Variants in RANBP10 observed in about 807,000 individuals in gnomAD.
RANBP10 encodes the protein RAN binding protein 10, also known as ran-binding protein 10.
RANBP10 carries 24 observed loss-of-function variants against 72.8 expected under a neutral mutation model. That is an observed-to-expected ratio of 0.33 (90% confidence interval 0.24 to 0.46). The LOEUF (loss-of-function observed/expected upper bound fraction) is 0.46. Among genes scored for constraint, RANBP10 ranks in the 20% least tolerant of loss-of-function variants. The pLI is 1.00. For synonymous variants in RANBP10, 310 were observed against 322.3 expected (o/e 0.96, Z 0.41); for missense variants, 679 against 817.5 (o/e 0.83, Z 2.07).
rs550077446 is a variant in RANBP10 at position 67,774,538 on chromosome 16, G to A, written c.348-2452C>T. 1.3e-4 allele frequency among the ~76,000 whole-genome samples: 20 copies of A among 152,228 alleles called. No homozygotes were observed. In the South Asian group the frequency reaches 2.9e-3, roughly 22 times the overall value. The stretch of plus-strand genomic sequence containing the variant: ...GATGGTGTTTATTAGTGGATGGCTC[G>A]GGAGCCTCTGTACAAACCCCTGCCT... On this transcript the variant is annotated intron_variant, in intron 2 of 13. Transcript: ENST00000317506.
At chr16:67,734,507 A>G (rs1329894523) in intron 6 of RANBP10, among the ~76,000 whole-genome samples, 1 of 152,202 alleles carries the variant, frequency 6.6e-6, no homozygotes, top group Non-Finnish European at 1.5e-5. Context: ...GATACTCCCT[A>G]TGGTAGAAAA....
intron 4 of RANBP10, chr16:67,744,076 C>T (rs2054020935): frequency 1.0e-6 from 1 of 984,056 alleles, no homozygotes; most frequent in Non-Finnish European, 1.2e-6. Context: ...TCAGCATCCT[C>T]CCTGGGCTGG....
intron 2 of RANBP10, among the ~76,000 whole-genome samples, chr16:67,776,069 T>C (rs1440785413): frequency 1.3e-5 from 2 of 150,800 alleles, no homozygotes; most frequent in Non-Finnish European, 3.0e-5. Flanking sequence ...GGCATGAACC[T>C]GGGAGGCGGA....
chr16:67,788,826 T>TG (rs1161859224), intron 2 of RANBP10, among the ~76,000 whole-genome samples: 1 of 148,806 alleles, frequency 6.7e-6, no homozygotes, highest in African/African-American at 2.5e-5. Flanking sequence ...CATGGTGAAC[T>TG]CCATCTCTAC....
At chr16:67,769,561 T>C (rs949840448) in intron 3 of RANBP10, among the ~76,000 whole-genome samples, 2 of 148,668 alleles carry the variant, frequency 1.3e-5, no homozygotes, top group African/African-American at 2.5e-5. Context: ...CTGGCTAACA[T>C]GGTGAAACCC....
intron 2 of RANBP10, among the ~76,000 whole-genome samples, chr16:67,775,724 G>A (rs192241256): frequency 6.8e-5 from 10 of 147,094 alleles, no homozygotes; most frequent in African/African-American, 2.5e-4. Context: ...AAGATCACCT[G>A]AGCCCAGGAG....
intron 3 of RANBP10, among the ~76,000 whole-genome samples, chr16:67,766,689 A>G (rs189385575): frequency 6.6e-6 from 1 of 152,282 alleles, no homozygotes; most frequent in African/African-American, 2.4e-5. Flanking sequence ...TGAGCCAAAT[A>G]AAACTCTTTT....
intron 3 of RANBP10, among the ~76,000 whole-genome samples, chr16:67,765,065 A>G (rs1287225278): frequency 6.6e-6 from 1 of 152,048 alleles, no homozygotes; most frequent in African/African-American, 2.4e-5. Flanking sequence ...AGATGGGCAT[A>G]GTGGCTCATG....
chr16:67,779,695 T>C (rs944576704), intron 2 of RANBP10, among the ~76,000 whole-genome samples: 25 of 152,166 alleles, frequency 1.6e-4, no homozygotes, highest in Admixed American at 8.5e-4. Flanking sequence ...TTTCTTTTCA[T>C]AGAGGTTCTT....
At chr16:67,766,283 TAA>T (rs1026637873) in intron 3 of RANBP10, among the ~76,000 whole-genome samples, 1 of 152,022 alleles carries the variant, frequency 6.6e-6, no homozygotes, top group African/African-American at 2.4e-5. Context: ...TCACCAGAAA[TAA>T]AAAAGTGATC....
chr16:67,747,923 C>T (rs544658097), intron 3 of RANBP10, among the ~76,000 whole-genome samples: 52 of 150,806 alleles, frequency 3.4e-4, no homozygotes, highest in African/African-American at 1.2e-3. Flanking sequence ...CAGGTTCACG[C>T]CATTCTCCCA....
At chr16:67,798,868 A>C (rs905527766) in intron 2 of RANBP10, among the ~76,000 whole-genome samples, 3 of 152,010 alleles carry the variant, frequency 2.0e-5, no homozygotes, top group African/African-American at 4.8e-5. Flanking sequence ...ACAGCCCCCC[A>C]CACTGCTACT....
rs533256674 is a variant in RANBP10 at position 67,782,409 on chromosome 16, G to A, written c.348-10323C>T. 3.3e-5 allele frequency among the ~76,000 whole-genome samples: 5 copies of A among 152,120 alleles called. No homozygotes were observed. In the South Asian group the frequency reaches 8.3e-4, roughly 25 times the overall value. ...CCCAAAATGCTTGGATTACAAGTGT[G>A]AGCCACCGTACCCAGCCAATTATTT... On this transcript the variant is annotated intron_variant, in intron 2 of 13. Coordinates refer to ENST00000317506, the MANE Select transcript of RANBP10 (RefSeq NM_020850.3).
rs1486542485 is a variant in RANBP10, at chr16:67,729,516, G to A, written c.1148-32C>T. On this transcript the variant is annotated intron_variant, in intron 9 of 13. Transcript: ENST00000317506. This position sits in a 1 kb window ranked among gnomAD's most constrained non-coding sequence, Gnocchi z 7.1. ...GCCAGGGTGACAGTCAGAAGAGGAG[G>A]GGCAGCTTCCCATGAAATGAAGCCC... 2 of 1,595,254 alleles carry A rather than the reference G, an allele frequency of 1.3e-6. No individual in the cohort carries two copies. The highest frequency in any genetic ancestry group is 1.7e-6 in the Non-Finnish European group (2 of 1,170,916).
chr16:67,762,556 G>A (rs1277424659), intron 3 of RANBP10: 1 of 152,186 alleles, frequency 6.6e-6, no homozygotes, highest in Non-Finnish European at 1.5e-5. Flanking sequence ...CCAAATGTGA[G>A]TCAGGAGTGG....
intron 3 of RANBP10, among the ~76,000 whole-genome samples, chr16:67,769,456 AAAAAAAG>A (rs1294841099): frequency 1.5e-5 from 2 of 136,026 alleles, no homozygotes; most frequent in South Asian, 2.4e-4. Context: ...AAAAAAAAAA[AAAAAAAG>A]TGCTGGGCGC....
intron 3 of RANBP10, among the ~76,000 whole-genome samples, chr16:67,757,609 G>A (rs975291887): frequency 5.9e-5 from 9 of 152,204 alleles, no homozygotes; most frequent in Non-Finnish European, 1.2e-4. Context: ...GCAGACAGAT[G>A]CTGTCCCCAT....
intron 10 of RANBP10, 137 bp from the exon 11 acceptor site, chr16:67,728,648 G>C (rs1567671174): frequency 6.7e-7 from 1 of 1,494,896 alleles, no homozygotes; most frequent in Non-Finnish European, 9.0e-7. Flanking sequence ...GACAGCTCAG[G>C]CTTCCAAGTC....
chr16:67,744,999 T>C (rs2054043067), intron 3 of RANBP10, among the ~76,000 whole-genome samples: 1 of 152,022 alleles, frequency 6.6e-6, no homozygotes, highest in Non-Finnish European at 1.5e-5. Context: ...AATTTTTTTT[T>C]TTTTGTATTT....
Sources: allele counts gnomAD v4.1 joint callset (sites outside exome capture counted in the v4.1 genomes callset), GRCh38; gene constraint gnomAD v4.1.1; non-coding constraint Gnocchi (gnomAD v3.1); transcripts MANE v1.5; gene names NCBI Gene and HGNC (gene_info 2026-07-23, HGNC 2026-07-21).